Variants in SGCZ observed in about 807,000 individuals in gnomAD.
SGCZ encodes the protein zeta-sarcoglycan.
SGCZ carries 40 observed loss-of-function variants against 41.3 expected under a neutral mutation model. The ratio of observed to expected loss-of-function variants is 0.97; its 90% CI spans 0.75 to 1.26. SGCZ has a LOEUF of 1.26. Ranked by LOEUF, SGCZ falls within the 50% of genes most tolerant of loss-of-function variation. The pLI, the probability that SGCZ is intolerant of heterozygous loss-of-function variation, is 0.00. For missense variants in SGCZ, 552 were observed against 369.8 expected, an observed-to-expected ratio of 1.49 and a Z score of -4.04; for synonymous variants, 206 against 137.5, an observed-to-expected ratio of 1.50 and a Z score of -3.49.
intron 1 of SGCZ, among the ~76,000 whole-genome samples, chr8:14,857,409 T>A (rs1803580102): frequency 6.6e-6 from 1 of 152,218 alleles, no homozygotes. Flanking sequence ...ATTCTTTTAG[T>A]TAATTTGCAT....
At chr8:14,309,821 T>C in intron 3 of SGCZ, 2 of 1,380,670 alleles carry the variant, frequency 1.4e-6, no homozygotes, top group South Asian at 2.8e-5. Context: ...AGAAGTCTCA[T>C]TCGCCTTTGT....
At chr8:14,697,302 T>G (rs1283769937) in intron 1 of SGCZ, among the ~76,000 whole-genome samples, 1 of 152,058 alleles carries the variant, frequency 6.6e-6, no homozygotes, top group Non-Finnish European at 1.5e-5. Context: ...CTGAGCCTGT[T>G]TCTGTATTTG....
intron 1 of SGCZ, among the ~76,000 whole-genome samples, chr8:14,729,715 T>A (rs1810169785): frequency 6.6e-6 from 1 of 152,190 alleles, no homozygotes; most frequent in African/African-American, 2.4e-5. Context: ...AGAAATTTAT[T>A]ATGGCAGCAC....
rs202141756 is a variant in SGCZ at position 14,247,182 on chromosome 8, GT to G, written c.337-9504del. 6.7e-3 allele frequency among the ~76,000 whole-genome samples: 1,014 copies of G among 152,158 alleles called. 36 individuals are homozygous for G. Among genetic ancestry groups the G allele is most frequent in the Admixed American group, 0.051 (783 of 15,276 alleles). On this transcript the variant is annotated intron_variant, in intron 3 of 7. Transcript: ENST00000382080. ...CTTTTATTGAGAATTTCCCCATTTG[GT>G]TTAGTCACGGTTATGAATTAGCTAG... is the stretch of plus-strand genomic sequence containing the variant.
intron 2 of SGCZ, among the ~76,000 whole-genome samples, chr8:14,415,686 T>A (rs145881429): frequency 6.6e-6 from 1 of 152,072 alleles, no homozygotes; most frequent in Admixed American, 6.6e-5. Flanking sequence ...AAAGCTGTAT[T>A]TTGTTCGTTT....
intron 1 of SGCZ, among the ~76,000 whole-genome samples, chr8:14,819,463 G>T (rs1802007022): frequency 6.6e-6 from 1 of 152,068 alleles, no homozygotes; most frequent in Non-Finnish European, 1.5e-5. Context: ...TCACAAGACT[G>T]GCCTTATAGG....
chr8:14,462,718 T>C (rs56954908), intron 2 of SGCZ, among the ~76,000 whole-genome samples: 25,520 of 151,806 alleles, frequency 0.17, 2,639 homozygotes, highest in African/African-American at 0.3. Flanking sequence ...GGACATTCTA[T>C]ATAAATTTTA....
rs540366346 is a variant in SGCZ at position 14,856,106 on chromosome 8, G to A, written c.40-301180C>T. Among the ~76,000 whole-genome samples the A allele has an allele frequency of 5.1e-3, 782 of 152,280 alleles. 9 individuals carry two copies. The highest frequency in any genetic ancestry group is 0.018 in the African/African-American group (737 of 41,554). On this transcript the variant is annotated intron_variant, in intron 1 of 7. Transcript: ENST00000382080. The stretch of plus-strand genomic sequence containing the variant: ...AAATAAAACATATAATATTTAGGTC[G>A]AGGATAGGATTAAGGATGGTGGCTA...
chr8:14,881,173 T>A (rs1170505413), intron 1 of SGCZ, among the ~76,000 whole-genome samples: 1 of 152,172 alleles, frequency 6.6e-6, no homozygotes, highest in Non-Finnish European at 1.5e-5. Flanking sequence ...ATATTATTAG[T>A]ATGTACATAT....
At chr8:14,603,174 T>G (rs1762592424) in intron 1 of SGCZ, among the ~76,000 whole-genome samples, 2 of 152,146 alleles carry the variant, frequency 1.3e-5, no homozygotes, top group African/African-American at 4.8e-5. Context: ...CCTTCGTTCT[T>G]GAAGACCACT....
chr8:15,188,168 T>A (rs1363853260), intron 1 of SGCZ, among the ~76,000 whole-genome samples: 1 of 152,044 alleles, frequency 6.6e-6, no homozygotes, highest in Non-Finnish European at 1.5e-5. Flanking sequence ...ACATCATAGT[T>A]CATTCATTGG....
At chr8:14,568,219 A>C in intron 1 of SGCZ, among the ~76,000 whole-genome samples, 1 of 151,574 alleles carries the variant, frequency 6.6e-6, no homozygotes, top group Non-Finnish European at 1.5e-5. Flanking sequence ...AACATCACAC[A>C]CTGGGGCCTG....
intron 1 of SGCZ, among the ~76,000 whole-genome samples, chr8:14,712,643 A>G (rs1369366904): frequency 6.6e-6 from 1 of 152,190 alleles, no homozygotes; most frequent in East Asian, 1.9e-4. Context: ...TTCCAGCCTC[A>G]ACACACCCAC....
Position 15,167,389 on chromosome 8 carries a change from G to T in SGCZ, c.39+70196C>A, listed in dbSNP as rs1252906734. On this transcript the variant is annotated intron_variant, in intron 1 of 7. Coordinates refer to ENST00000382080, the MANE Select transcript of SGCZ (RefSeq NM_139167.4). ...CCCTGTACAGGGTTCTTGACCTGTG[G>T]TCAGTAAAGACTGTCACTTTCTAAC... is the stretch of plus-strand genomic sequence containing the variant. 3.3e-5 allele frequency among the ~76,000 whole-genome samples: 5 copies of T among 152,166 alleles called. No homozygotes were observed. The East Asian group carries it at 9.6e-4, about 29-fold the overall frequency.
chr8:14,566,979 C>G (rs1420567147), intron 1 of SGCZ, among the ~76,000 whole-genome samples: 1 of 152,202 alleles, frequency 6.6e-6, no homozygotes, highest in African/African-American at 2.4e-5. Context: ...GGGCTTAGCA[C>G]CCGGGCCAGC....
intron 7 of SGCZ, among the ~76,000 whole-genome samples, chr8:14,097,015 G>C (rs980903175): frequency 6.6e-6 from 1 of 151,754 alleles, no homozygotes; most frequent in African/African-American, 2.4e-5. Flanking sequence ...AGTCTGGCTA[G>C]CGGTCTATTT....
intron 1 of SGCZ, among the ~76,000 whole-genome samples, chr8:14,790,268 G>C (rs1243677766): frequency 6.6e-6 from 1 of 152,074 alleles, no homozygotes; most frequent in Non-Finnish European, 1.5e-5. Flanking sequence ...AAAAAGCATT[G>C]AACTTTCTTG....
chr8:14,653,420 A>G lies in SGCZ; in HGVS notation c.40-98494T>C, dbSNP rs143186110. Among the ~76,000 whole-genome samples the G allele has an allele frequency of 9.8e-3, 1,493 of 152,240 alleles. 45 individuals carry two copies. The highest frequency in any genetic ancestry group is 0.035 in the African/African-American group (1,436 of 41,530). On this transcript the variant is annotated intron_variant, in intron 1 of 7. Transcript: ENST00000382080. ...ATTAATCCTATATAGTGCTTAGCCCATATATTTTGTAGTTTATTTCTTACT... is the reference window on the plus strand; with the variant it reads ...ATTAATCCTATATAGTGCTTAGCCCGTATATTTTGTAGTTTATTTCTTACT...
At chr8:14,961,863 A>G (rs1241690811) in intron 1 of SGCZ, among the ~76,000 whole-genome samples, 1 of 152,194 alleles carries the variant, frequency 6.6e-6, no homozygotes, top group East Asian at 1.9e-4. Context: ...GTATATGGCA[A>G]TAGGGCCGCA....
Sources: gnomAD v4.1 joint callset for allele counts (sites outside exome capture counted in the v4.1 genomes callset) on GRCh38, gnomAD v4.1.1 for gene constraint, MANE v1.5 for transcripts, NCBI Gene and HGNC (gene_info 2026-07-23, HGNC 2026-07-21) for gene names.